BLM: variants seen among roughly 807,000 people sequenced by gnomAD.
BLM encodes the protein recQ-like DNA helicase BLM.
Under a neutral mutation model 135.3 loss-of-function variants are expected in BLM, and 95 were observed. The observed-to-expected ratio is 0.70, with a 90% CI of 0.59 to 0.83. BLM has a LOEUF of 0.83. BLM is among the 40% of genes least tolerant of loss of function. The pLI, the probability that BLM is intolerant of heterozygous loss-of-function variation, is 0.00. For synonymous variants in BLM, 520 were observed against 589.2 expected, an observed-to-expected ratio of 0.88 and a Z score of 1.70; for missense variants, 1,518 against 1,663.9, an observed-to-expected ratio of 0.91 and a Z score of 1.53.
At chr15:90,752,730 T>C (rs6496725) in intron 4 of BLM, among the ~76,000 whole-genome samples, 28,478 of 152,160 alleles carry the variant, frequency 0.19, 2,768 homozygotes, top group East Asian at 0.24. Context: ...CATCAACAGC[T>C]TAAATTGCTA....
chr15:90,814,920 C>T (rs1007563970), intron 21 of BLM, among the ~76,000 whole-genome samples, 182 bp from the exon 22 acceptor site: 2 of 152,092 alleles, frequency 1.3e-5, no homozygotes, highest in African/African-American at 4.8e-5. Flanking sequence ...TGAAGGGCCG[C>T]GGTCCTTTAT....
At chr15:90,741,137 A>G (rs1449700619) in intron 1 of BLM, among the ~76,000 whole-genome samples, 1 of 152,234 alleles carries the variant, frequency 6.6e-6, no homozygotes, top group African/African-American at 2.4e-5. Context: ...CTTTTTAAAA[A>G]TAACAGCTTT....
At position 90,784,835 on chromosome 15, in the gene BLM, TCATATA is replaced by T; in HGVS notation, c.2663-85_2663-80del. 2.2e-6 allele frequency: 3 copies of T among 1,388,504 alleles called. No homozygotes were observed. In the South Asian group the frequency reaches 3.7e-5, roughly 17 times the overall value. 86.0% of individuals were successfully genotyped at this position (1,388,504 alleles called of 1,614,324 possible). ...ACACTACGGGAGATCTATTTATGGT[TCATATA>T]TTTCTGAAAATGTAGTGTAAATTGT... On this transcript the variant is annotated intron_variant, in intron 13 of 21. Transcript: ENST00000355112.
intron 9 of BLM, among the ~76,000 whole-genome samples, chr15:90,766,550 C>T (rs916762658): frequency 2.0e-5 from 3 of 152,056 alleles, no homozygotes; most frequent in African/African-American, 4.8e-5. Flanking sequence ...GCCTTAGCCT[C>T]CTGAGTAGCT....
intron 1 of BLM, among the ~76,000 whole-genome samples, chr15:90,719,684 T>C (rs1452942009): frequency 2.0e-5 from 3 of 152,174 alleles, no homozygotes; most frequent in African/African-American, 4.8e-5. Context: ...TACATGGGTG[T>C]AATTCTATTT....
intron 1 of BLM, among the ~76,000 whole-genome samples, chr15:90,739,524 T>G (rs957330069): frequency 6.6e-6 from 1 of 152,178 alleles, no homozygotes; most frequent in African/African-American, 2.4e-5. Context: ...TGCAGCGAGC[T>G]CTGCACACAG....
rs539996787 is a variant in BLM, at chr15:90,815,424, T to A, written c.*145T>A. The A allele has an allele frequency of 1.1e-6, 1 of 881,836 alleles. No individual in the cohort carries two copies. The highest frequency in any genetic ancestry group is 1.7e-5 in the African/African-American group (1 of 58,366). 54.6% of individuals were successfully genotyped at this position (881,836 alleles called of 1,614,324 possible). A position where few individuals can be genotyped will look rare whatever the true frequency, so the allele number is the denominator to read the frequency against. Reference sequence around the variant, plus strand: ...TTAAATAAATGCTGGGGGGTGATAGTTCTTCTTTTTAAAATAAACATTTTC... The same window carrying A: ...TTAAATAAATGCTGGGGGGTGATAGATCTTCTTTTTAAAATAAACATTTTC... On this transcript the variant is annotated 3_prime_UTR_variant, in exon 22 of 22. Coordinates refer to ENST00000355112, the MANE Select transcript of BLM (RefSeq NM_000057.4). The surrounding 1 kb of genome is among the most constrained non-coding windows in gnomAD (Gnocchi z 4.6).
chr15:90,804,949 G>T (rs1897255468), intron 19 of BLM, among the ~76,000 whole-genome samples: 1 of 152,034 alleles, frequency 6.6e-6, no homozygotes, highest in Non-Finnish European at 1.5e-5. Flanking sequence ...CGATTCTTCT[G>T]CCTCAGCCTC....
At chr15:90,759,973 A>G in intron 5 of BLM, 174 bp from the exon 6 acceptor site, 2 of 233,024 alleles carry the variant, frequency 8.6e-6, no homozygotes, top group Non-Finnish European at 7.7e-6. Flanking sequence ...TTTTTTTTTT[A>G]GTGACAGGGT....
chr15:90,785,288 C>A (rs1465161757), intron 14 of BLM, among the ~76,000 whole-genome samples: 2 of 152,048 alleles, frequency 1.3e-5, no homozygotes, highest in African/African-American at 4.8e-5. Flanking sequence ...ATTCACATAT[C>A]ATAAAATTTA....
In BLM at chr15:90,763,208, T is replaced by C. The variant is rs368607797; in HGVS notation, c.2074+51T>C. On this transcript the variant is annotated intron_variant, in intron 8 of 21. Transcript: ENST00000355112. Reference sequence around the variant, plus strand: ...CAGGAATCCATTGGCAGATGTTAAATGAAAGCTCTTTAATAGAAATAAAAA... The same window carrying C: ...CAGGAATCCATTGGCAGATGTTAAACGAAAGCTCTTTAATAGAAATAAAAA... 3.8e-6 allele frequency: 6 copies of C among 1,580,042 alleles called. No homozygotes were observed. The African/African-American group carries it at 4.0e-5, about 11-fold the overall frequency.
chr15:90,782,610 G>A (rs113406508), intron 12 of BLM, among the ~76,000 whole-genome samples: 3 of 152,208 alleles, frequency 2.0e-5, no homozygotes, highest in African/African-American at 7.2e-5. Context: ...ACATATGCGG[G>A]TGGGGAGAGC....
At chr15:90,723,836 G>A (rs1486949244) in intron 1 of BLM, among the ~76,000 whole-genome samples, 1 of 151,952 alleles carries the variant, frequency 6.6e-6, no homozygotes, top group Admixed American at 6.6e-5. Context: ...GGCAACCACT[G>A]TGCCCCTCTT....
chr15:90,792,586 AG>A (rs1896932751), intron 15 of BLM, among the ~76,000 whole-genome samples: 1 of 152,172 alleles, frequency 6.6e-6, no homozygotes, highest in African/African-American at 2.4e-5. Context: ...ACTTTTCCCC[AG>A]GATCACTGAT....
At chr15:90,786,891 G>T (rs1896763745) in intron 14 of BLM, among the ~76,000 whole-genome samples, 1 of 151,982 alleles carries the variant, frequency 6.6e-6, no homozygotes, top group African/African-American at 2.4e-5. Flanking sequence ...GGGATGACAG[G>T]TGTGAGCCAC....
chr15:90,776,760 G>A (rs769403735), intron 12 of BLM, among the ~76,000 whole-genome samples: 2 of 151,990 alleles, frequency 1.3e-5, no homozygotes, highest in Non-Finnish European at 2.9e-5. Flanking sequence ...GACTGGTCTC[G>A]AACTCCTGAG....
At chr15:90,741,484 T>A (rs893569188) in intron 1 of BLM, among the ~76,000 whole-genome samples, 2 of 152,136 alleles carry the variant, frequency 1.3e-5, no homozygotes, top group Non-Finnish European at 2.9e-5. Context: ...CTTCCCTATT[T>A]TCTCTTCTTT....
intron 1 of BLM, among the ~76,000 whole-genome samples, chr15:90,727,702 A>G (rs1296275334): frequency 1.3e-5 from 2 of 152,154 alleles, no homozygotes; most frequent in Non-Finnish European, 1.5e-5. Flanking sequence ...CTCAGGGGTT[A>G]GAGAGCATTG....
intron 1 of BLM, among the ~76,000 whole-genome samples, chr15:90,745,906 T>C (rs1057210494): frequency 3.9e-5 from 6 of 152,062 alleles, no homozygotes; most frequent in Non-Finnish European, 8.8e-5. Context: ...TGAGACCCTG[T>C]CTTTACCAAA....
Sources: allele counts gnomAD v4.1 joint callset (sites outside exome capture counted in the v4.1 genomes callset), GRCh38; gene constraint gnomAD v4.1.1; non-coding constraint Gnocchi (gnomAD v3.1); transcripts MANE v1.5; gene names NCBI Gene and HGNC (gene_info 2026-07-23, HGNC 2026-07-21).